Variants in LCLAT1 observed in about 807,000 individuals in gnomAD.
LCLAT1 encodes the protein lysocardiolipin acyltransferase 1.
LCLAT1 carries 11 observed loss-of-function variants against 30.7 expected under a neutral mutation model. The ratio of observed to expected loss-of-function variants is 0.36; its 90% CI spans 0.23 to 0.59. The LOEUF (loss-of-function observed/expected upper bound fraction) is 0.59, where lower values mean the gene tolerates loss of function less well. Ranked by LOEUF, LCLAT1 falls within the 20% of genes least tolerant of loss-of-function variation. The probability of loss-of-function intolerance (pLI) is 0.77; values close to 1 mark genes in which losing one functional copy is unlikely to be tolerated. For missense variants in LCLAT1, 402 were observed against 458.6 expected (o/e 0.88, Z 1.13); for synonymous variants, 155 against 151.3 (o/e 1.02, Z -0.18).
At chr2:30,544,149 CT>C (rs532269088) in intron 3 of LCLAT1, among the ~76,000 whole-genome samples, 101 of 152,274 alleles carry the variant, frequency 6.6e-4, no homozygotes, top group African/African-American at 2.2e-3. Context: ...ACTCTTAGAG[CT>C]TTCCATCTCC....
In LCLAT1 at chr2:30,476,415, C is replaced by G. The variant is rs917638703; in HGVS notation, c.-5+29032C>G. 3.1e-5 allele frequency: 14 copies of G among 456,578 alleles called. No individual in the cohort carries two copies. The Admixed American group carries it at 3.3e-4, about 11-fold the overall frequency. The allele number at this position is 456,578 out of a possible 1,614,324, so 28.3% of individuals were successfully genotyped here. On this transcript the variant is annotated intron_variant, in intron 1 of 5. Transcript: ENST00000379509. Reference sequence around the variant, plus strand: ...CTGTCTTTACAGCCACTCCACATCACTTGAATTATCTCCTGATTTCCACCT... The same window carrying G: ...CTGTCTTTACAGCCACTCCACATCAGTTGAATTATCTCCTGATTTCCACCT...
At chr2:30,523,651 T>C (rs1054784050) in intron 1 of LCLAT1, among the ~76,000 whole-genome samples, 2 of 152,170 alleles carry the variant, frequency 1.3e-5, no homozygotes, top group African/African-American at 2.4e-5. Context: ...GAGCAGATCA[T>C]GAGGTCAAGA....
intron 5 of LCLAT1, among the ~76,000 whole-genome samples, chr2:30,581,048 G>C (rs1192409723): frequency 6.6e-6 from 1 of 152,106 alleles, no homozygotes; most frequent in East Asian, 1.9e-4. Flanking sequence ...TGATGGTGGG[G>C]TTACAAGGGG....
rs1451877864 is a variant in LCLAT1, at chr2:30,533,130, C to G, written c.180C>G (p.Thr60=). Residue 60 remains threonine (T), a synonymous_variant, in exon 3 of 6, where the codon ACC becomes ACG. Transcript: ENST00000379509. The part of the protein sequence containing the change: ...WLTLPVALLE[T]MFGVKVIITG... Reference sequence around the variant, plus strand: ...TGTTTTCTTAGGCATTATTGGAGACCATGTTTGGTGTAAAAGTGATTATAA... The same window carrying G: ...TGTTTTCTTAGGCATTATTGGAGACGATGTTTGGTGTAAAAGTGATTATAA... The G allele has an allele frequency of 3.1e-6, 5 of 1,612,672 alleles. No homozygotes were observed. Among genetic ancestry groups the G allele is most frequent in the African/African-American group, 2.7e-5 (2 of 74,966 alleles).
intron 5 of LCLAT1, among the ~76,000 whole-genome samples, chr2:30,616,810 G>A (rs1220081257): frequency 1.3e-5 from 2 of 151,550 alleles, no homozygotes; most frequent in Admixed American, 1.3e-4. Context: ...AATAGGAAAA[G>A]ATCCTGTTTC....
chr2:30,525,700 CT>C lies in LCLAT1; in HGVS notation c.112del (p.Trp38GlyfsTer27). 1 of 1,614,080 alleles carries C rather than the reference CT, an allele frequency of 6.2e-7. No homozygotes were observed. Among genetic ancestry groups the C allele is most frequent in the South Asian group, 1.1e-5 (1 of 91,086 alleles). On this transcript the variant is annotated frameshift_variant, in exon 2 of 6. Coordinates refer to ENST00000379509, the MANE Select transcript of LCLAT1 (RefSeq NM_001002257.3). LOFTEE classifies it high-confidence loss of function. ...PFLPLMFVNP[S>X]WYRWINNRLV... is the part of the protein sequence containing the mutation. Reference sequence around the variant, plus strand: ...TTACCTTTGATGTTTGTAAACCCATCTTGGTATCGCTGGATCAACAACCGCC... The same window carrying C: ...TTACCTTTGATGTTTGTAAACCCATCTGGTATCGCTGGATCAACAACCGCC...
Position 30,641,778 on chromosome 2 carries a change from CA to C in LCLAT1, c.*1162del, listed in dbSNP as rs1285452249. The C allele has an allele frequency of 1.3e-5, 2 of 152,084 alleles. No individual in the cohort carries two copies. The highest frequency in any genetic ancestry group is 2.9e-5 in the Non-Finnish European group (2 of 68,012). 9.4% of individuals were successfully genotyped at this position (152,084 alleles called of 1,614,324 possible). A position where few individuals can be genotyped will look rare whatever the true frequency, so the allele number is the denominator to read the frequency against. ...ACCCACTTTTGACCAATTGTTTGCC[CA>C]AATATTCTTGTCATTTGGAGTCAGT... On this transcript the variant is annotated 3_prime_UTR_variant, in exon 6 of 6. Transcript: ENST00000379509.
intron 1 of LCLAT1, among the ~76,000 whole-genome samples, chr2:30,461,461 A>G (rs745673429): frequency 3.9e-5 from 6 of 151,946 alleles, no homozygotes; most frequent in Non-Finnish European, 7.4e-5. Context: ...GGGTCTCACT[A>G]TGTTGCCTCC....
At chr2:30,570,772 G>A (rs768734148) in intron 5 of LCLAT1, among the ~76,000 whole-genome samples, 28 of 152,248 alleles carry the variant, frequency 1.8e-4, no homozygotes, top group Non-Finnish European at 3.8e-4. Context: ...AGAACACGGA[G>A]AGATGGTAGT....
intron 1 of LCLAT1, among the ~76,000 whole-genome samples, chr2:30,463,604 G>A (rs1295606951): frequency 6.6e-6 from 1 of 152,128 alleles, no homozygotes. Context: ...TCTTGTCATT[G>A]TTCCCTAAAC....
intron 5 of LCLAT1, among the ~76,000 whole-genome samples, chr2:30,600,733 T>C (rs1667142724): frequency 6.6e-6 from 1 of 152,134 alleles, no homozygotes; most frequent in African/African-American, 2.4e-5. Context: ...ATTTTGACCT[T>C]TGAGAATCTG....
At chr2:30,600,084 A>G (rs1208585331) in intron 5 of LCLAT1, among the ~76,000 whole-genome samples, 2 of 152,120 alleles carry the variant, frequency 1.3e-5, no homozygotes, top group African/African-American at 4.8e-5. Flanking sequence ...TGCTTCCTTC[A>G]GGAGTTCTTG....
intron 5 of LCLAT1, among the ~76,000 whole-genome samples, chr2:30,637,029 T>G (rs4952165): frequency 0.52 from 78,831 of 151,562 alleles, 21,462 homozygotes; most frequent in East Asian, 0.82. Context: ...AGTATTGATT[T>G]CCGAGGAGTT....
intron 5 of LCLAT1, among the ~76,000 whole-genome samples, chr2:30,639,039 T>A (rs1221082118): frequency 6.6e-6 from 1 of 152,184 alleles, no homozygotes; most frequent in African/African-American, 2.4e-5. Context: ...AACATATGGG[T>A]TCCTTCTGTC....
intron 1 of LCLAT1, among the ~76,000 whole-genome samples, chr2:30,509,538 G>T (rs1318215800): frequency 1.3e-5 from 2 of 151,964 alleles, no homozygotes; most frequent in Non-Finnish European, 2.9e-5. Context: ...ACCATGTGTT[G>T]TCTCCATATT....
At chr2:30,451,205 A>G (rs932983158) in intron 1 of LCLAT1, among the ~76,000 whole-genome samples, 2 of 152,246 alleles carry the variant, frequency 1.3e-5, no homozygotes, top group Admixed American at 6.5e-5. Flanking sequence ...AATTAAAAAG[A>G]TGGACAGTGC....
At chr2:30,596,597 G>A (rs1238814205) in intron 5 of LCLAT1, among the ~76,000 whole-genome samples, 2 of 151,482 alleles carry the variant, frequency 1.3e-5, no homozygotes, top group African/African-American at 4.9e-5. Context: ...TAGAATGTCT[G>A]TTTGCTCTGA....
intron 1 of LCLAT1, chr2:30,459,533 C>T: frequency 1.1e-6 from 1 of 923,682 alleles, no homozygotes; most frequent in East Asian, 2.4e-5. Flanking sequence ...TTTTTTTCTC[C>T]CATTTGTCCT....
At chr2:30,467,694 A>G (rs949687750) in intron 1 of LCLAT1, among the ~76,000 whole-genome samples, 2 of 152,174 alleles carry the variant, frequency 1.3e-5, no homozygotes, top group Admixed American at 6.5e-5. Flanking sequence ...GCCAGTGATG[A>G]TGAGCATTTT....
Sources: gnomAD v4.1 joint callset for allele counts (sites outside exome capture counted in the v4.1 genomes callset) on GRCh38, gnomAD v4.1.1 for gene constraint, MANE v1.5 for transcripts, NCBI Gene and HGNC (gene_info 2026-07-23, HGNC 2026-07-21) for gene names.